Variants in TRPM3 observed in about 807,000 individuals in gnomAD.
TRPM3 encodes long transient receptor potential channel 3.
In TRPM3, 77 loss-of-function variants were observed where a neutral mutation model predicts 181.2. The observed-to-expected ratio is 0.42, with a 90% CI of 0.35 to 0.51. TRPM3 has a LOEUF of 0.51. TRPM3 is among the 20% of genes least tolerant of loss of function. The probability of loss-of-function intolerance (pLI) is 0.01; values close to 1 mark genes in which losing one functional copy is unlikely to be tolerated. For synonymous variants in TRPM3, 745 were observed against 796.4 expected, an observed-to-expected ratio of 0.94 and a Z score of 1.09; for missense variants, 1,759 against 2,196.7, an observed-to-expected ratio of 0.80 and a Z score of 3.98.
At chr9:70,847,188 T>C (rs2095000113) in intron 3 of TRPM3, among the ~76,000 whole-genome samples, 1 of 152,062 alleles carries the variant, frequency 6.6e-6, no homozygotes, top group African/African-American at 2.4e-5. Context: ...AAAATTTGAG[T>C]GTATAGCAAA....
intron 22 of TRPM3, among the ~76,000 whole-genome samples, chr9:70,584,855 A>G (rs1408737144): frequency 1.3e-5 from 2 of 152,222 alleles, no homozygotes; most frequent in Non-Finnish European, 2.9e-5. Flanking sequence ...CCATGTGGGC[A>G]CAGCAAAGCC....
At chr9:71,108,832 C>A (rs1159457870) in intron 1 of TRPM3, among the ~76,000 whole-genome samples, 1 of 152,100 alleles carries the variant, frequency 6.6e-6, no homozygotes, top group African/African-American at 2.4e-5. Context: ...TAACAATTAT[C>A]TATGTGATAG....
At chr9:71,364,170 A>C (rs1343220515) in intron 1 of TRPM3, among the ~76,000 whole-genome samples, 1 of 152,098 alleles carries the variant, frequency 6.6e-6, no homozygotes, top group African/African-American at 2.4e-5. Context: ...CGAAAACAAG[A>C]CTACAACAAT....
At chr9:71,355,100 T>C (rs1207656664) in intron 1 of TRPM3, among the ~76,000 whole-genome samples, 4 of 152,254 alleles carry the variant, frequency 2.6e-5, no homozygotes, top group Admixed American at 1.3e-4. Context: ...CTGGTACCCA[T>C]TGCCATATGT....
intron 7 of TRPM3, among the ~76,000 whole-genome samples, chr9:70,766,009 AT>A (rs2079045372): frequency 6.6e-6 from 1 of 152,158 alleles, no homozygotes; most frequent in Admixed American, 6.5e-5. Flanking sequence ...GAAACTGTTA[AT>A]TTGTGGCTTT....
intron 8 of TRPM3, among the ~76,000 whole-genome samples, chr9:70,690,486 G>C (rs2068199854): frequency 1.3e-5 from 2 of 152,066 alleles, no homozygotes; most frequent in African/African-American, 4.8e-5. Flanking sequence ...CAGGGAAACA[G>C]GAAGAGAATT....
At position 70,681,491 on chromosome 9, in the gene TRPM3, C is replaced by G. The variant is rs748203913; in HGVS notation, c.1345+15G>C. On this transcript the variant is annotated intron_variant, in intron 9 of 25. Transcript: ENST00000677713. ...TTAAATTATTTTCACACTCTCTGGACACAGACTCTTTTACCTTTGAGTAAA... is the reference window on the plus strand; with the variant it reads ...TTAAATTATTTTCACACTCTCTGGAGACAGACTCTTTTACCTTTGAGTAAA... 39 of 1,610,768 alleles carry G rather than the reference C, an allele frequency of 2.4e-5. No homozygotes were observed. In the African/African-American group the frequency reaches 4.0e-4, roughly 17 times the overall value.
chr9:70,635,652 GGGTCTCACTATGTTGCCCA>G (rs1362946595), intron 11 of TRPM3, among the ~76,000 whole-genome samples: 4 of 151,278 alleles, frequency 2.6e-5, no homozygotes, highest in African/African-American at 9.7e-5. Flanking sequence ...TTAAAGATGG[GGGTCTCACTATGTTGCCCA>G]GGCTGGTCTT....
chr9:70,615,272 T>C (rs1282303191), intron 18 of TRPM3, among the ~76,000 whole-genome samples: 1 of 152,190 alleles, frequency 6.6e-6, no homozygotes, highest in Non-Finnish European at 1.5e-5. Flanking sequence ...GTTTGTCCCT[T>C]TAACAGAATG....
intron 3 of TRPM3, among the ~76,000 whole-genome samples, chr9:70,847,530 G>GT (rs1194662521): frequency 6.8e-5 from 2 of 29,324 alleles, no homozygotes; most frequent in African/African-American, 2.5e-4. Flanking sequence ...AACCCTGGAA[G>GT]ACCTAGAGCA....
In TRPM3 at chr9:70,892,051, C is replaced by T. The variant is rs187573722; in HGVS notation, c.178-27540G>A. 3.6e-4 allele frequency among the ~76,000 whole-genome samples: 55 copies of T among 152,080 alleles called. 1 individual carries two copies. The East Asian group carries it at 5.4e-3, about 15-fold the overall frequency. On this transcript the variant is annotated intron_variant, in intron 1 of 25. Transcript: ENST00000677713. Reference sequence around the variant, plus strand: ...AATACCTGGATAATAACTAGAATTCCGTGGTTGGAGCAGGAGGGATTTACG... The same window carrying T: ...AATACCTGGATAATAACTAGAATTCTGTGGTTGGAGCAGGAGGGATTTACG...
intron 22 of TRPM3, among the ~76,000 whole-genome samples, chr9:70,570,558 C>T (rs1195563695): frequency 6.6e-6 from 1 of 152,138 alleles, no homozygotes; most frequent in Non-Finnish European, 1.5e-5. Context: ...ATCAGCCTGC[C>T]TTGGCCTCCC....
intron 1 of TRPM3, among the ~76,000 whole-genome samples, chr9:71,110,008 A>G (rs2070700325): frequency 6.6e-6 from 1 of 152,158 alleles, no homozygotes; most frequent in African/African-American, 2.4e-5. Flanking sequence ...TTTGTGAATA[A>G]TGACATATTT....
chr9:71,408,933 G>A (rs1164761257), intron 1 of TRPM3, among the ~76,000 whole-genome samples: 2 of 152,168 alleles, frequency 1.3e-5, no homozygotes, highest in African/African-American at 4.8e-5. Context: ...AGCCAAAAAA[G>A]AGTGGGGGCC....
In TRPM3 at chr9:70,671,929, A is replaced by AGTTTTTTTTTTT. The variant is rs756835607; in HGVS notation, c.1345+9576_1345+9577insAAAAAAAAAAAC. Among the ~76,000 whole-genome samples the AGTTTTTTTTTTT allele has an allele frequency of 3.0e-5, 3 of 98,544 alleles. No homozygotes were observed. In the East Asian group the frequency reaches 6.8e-4, roughly 22 times the overall value. The allele number at this position is 98,544 out of a possible 152,430, so 64.6% of individuals were successfully genotyped here. A position where few individuals can be genotyped will look rare whatever the true frequency, so the allele number is the denominator to read the frequency against. On this transcript the variant is annotated intron_variant, in intron 9 of 25. Transcript: ENST00000677713. The stretch of plus-strand genomic sequence containing the variant: ...CAGGCATGTGCCACCATGTCCAGCT[A>AGTTTTTTTTTTT]ATTTTTTTTTTTTTTTTTTAAGTAG...
chr9:70,607,211 C>T (rs1386137076), intron 19 of TRPM3, among the ~76,000 whole-genome samples: 1 of 152,132 alleles, frequency 6.6e-6, no homozygotes, highest in Non-Finnish European at 1.5e-5. Flanking sequence ...GAAGTGTGTC[C>T]TACCTTTCAG....
chr9:71,000,768 C>A (rs946752170), intron 1 of TRPM3, among the ~76,000 whole-genome samples: 2 of 152,158 alleles, frequency 1.3e-5, no homozygotes, highest in Non-Finnish European at 1.5e-5. Flanking sequence ...ATAGAGCTGA[C>A]ACTGAAAAGT....
At chr9:70,819,468 A>G (rs1365613495) in intron 6 of TRPM3, among the ~76,000 whole-genome samples, 2 of 152,192 alleles carry the variant, frequency 1.3e-5, no homozygotes, top group Non-Finnish European at 2.9e-5. Context: ...GCCCAGTTTA[A>G]TCTGCTGCTT....
At chr9:70,684,127 T>C (rs1288538916) in intron 8 of TRPM3, among the ~76,000 whole-genome samples, 1 of 152,208 alleles carries the variant, frequency 6.6e-6, no homozygotes, top group Non-Finnish European at 1.5e-5. Flanking sequence ...TGGAAATTCT[T>C]CCGAGGCAGC....
Sources: allele counts gnomAD v4.1 joint callset (sites outside exome capture counted in the v4.1 genomes callset), GRCh38; gene constraint gnomAD v4.1.1; transcripts MANE v1.5; gene names NCBI Gene and HGNC (gene_info 2026-07-23, HGNC 2026-07-21).